The following FAXDC2 variants were observed in gnomAD, a reference collection of about 807,000 sequenced individuals.
FAXDC2 encodes the protein fatty acid hydroxylase domain-containing protein 2.
FAXDC2 carries 41 observed loss-of-function variants against 40.9 expected under a neutral mutation model. That is an observed-to-expected ratio of 1.00 (90% CI 0.78 to 1.30). FAXDC2 has a LOEUF of 1.30. Ranked by LOEUF, FAXDC2 falls within the 50% of genes most tolerant of loss-of-function variation. The pLI is 0.00. For synonymous variants in FAXDC2, 157 were observed against 149.3 expected, an observed-to-expected ratio of 1.05 and a Z score of -0.38; for missense variants, 390 against 408.8, an observed-to-expected ratio of 0.95 and a Z score of 0.40.
chr5:154,832,116 G>T (rs1415210637), intron 4 of FAXDC2, among the ~76,000 whole-genome samples: 2 of 151,872 alleles, frequency 1.3e-5, no homozygotes, highest in African/African-American at 4.8e-5. Flanking sequence ...ATAAACAGTG[G>T]TTATTTCTTG....
intron 1 of FAXDC2, among the ~76,000 whole-genome samples, chr5:154,841,075 T>G (rs1760466212): frequency 6.6e-6 from 1 of 152,138 alleles, no homozygotes; most frequent in African/African-American, 2.4e-5. Flanking sequence ...AGGGAGACAC[T>G]GTCTGACTTG....
intron 5 of FAXDC2, among the ~76,000 whole-genome samples, chr5:154,825,053 CTTG>C (rs1288133411): frequency 2.1e-5 from 2 of 95,528 alleles, no homozygotes; most frequent in Non-Finnish European, 3.8e-5. Flanking sequence ...GAGACCCAAT[CTTG>C]TTAAAAAAAA....
intron 2 of FAXDC2, 146 bp from the exon 3 acceptor site, chr5:154,835,080 A>G: frequency 1.6e-6 from 1 of 620,284 alleles, no homozygotes; most frequent in Non-Finnish European, 2.9e-6. Flanking sequence ...GGCCTTTTCC[A>G]GCTTCTGTGG....
intron 6 of FAXDC2, 104 bp from the exon 7 acceptor site, chr5:154,822,681 G>A: frequency 2.4e-6 from 2 of 834,772 alleles, no homozygotes; most frequent in Non-Finnish European, 4.0e-6. Flanking sequence ...CATCCATGGA[G>A]CAAAGTTAAC....
rs775685589 is a variant in FAXDC2, at chr5:154,823,452, G to A, written c.507C>T (p.His169=). The A allele has an allele frequency of 5.0e-6, 8 of 1,614,214 alleles. No individual in the cohort carries two copies. The highest frequency in any genetic ancestry group is 4.5e-5 in the East Asian group (2 of 44,892). ...AGATGGCCAGCTCCAGGAGGAACCA[G>A]TGGAAGGTGGGTAGCTCACGGCGGC... is the stretch of plus-strand genomic sequence containing the variant. The part of the protein sequence containing the change: ...DPCRRELPTF[H]WFLLELAIFT... Residue 169 remains histidine, a synonymous_variant, in exon 6 of 9, where the codon CAC becomes CAT. Transcript: ENST00000326080.
In FAXDC2 at chr5:154,842,512, G is replaced by GTTT. The variant is rs772426610; in HGVS notation, c.1-4337_1-4335dup. On this transcript the variant is annotated intron_variant, in intron 1 of 8. Coordinates refer to ENST00000326080, the MANE Select transcript of FAXDC2 (RefSeq NM_032385.5). The stretch of plus-strand genomic sequence containing the variant: ...AGCCACTGCGCTCAGCCCTTTGTGT[G>GTTT]TTTTTTTTTTTTTTTTTTTTTTTTT... Among the ~76,000 whole-genome samples, 328 of 51,624 alleles carry GTTT rather than the reference G, an allele frequency of 6.4e-3. 72 individuals are homozygous for GTTT. The highest frequency in any genetic ancestry group is 0.043 in the Middle Eastern group (2 of 46). The allele number at this position is 51,624 out of a possible 152,430, so 33.9% of individuals were successfully genotyped here. A position where few individuals can be genotyped will look rare whatever the true frequency, so the allele number is the denominator to read the frequency against.
chr5:154,839,480 C>T (rs1046547875), intron 1 of FAXDC2, among the ~76,000 whole-genome samples: 8 of 149,400 alleles, frequency 5.4e-5, no homozygotes, highest in African/African-American at 2.0e-4. Context: ...CCTGTCTCTA[C>T]AAAAAATAAA....
At chr5:154,848,000 T>A (rs754898324) in intron 1 of FAXDC2, among the ~76,000 whole-genome samples, 2 of 151,878 alleles carry the variant, frequency 1.3e-5, no homozygotes, top group Non-Finnish European at 2.9e-5. Flanking sequence ...CCACCACGCC[T>A]GGCTAATTTT....
In FAXDC2 at chr5:154,823,527, G is replaced by T. The variant is rs200490101; in HGVS notation, c.432C>A (p.Phe144Leu). The change falls in exon 6 of 9, where the codon TTC becomes TTA. Residue 144 changes from phenylalanine to leucine, a missense_variant. Transcript: ENST00000326080. The stretch of plus-strand genomic sequence containing the variant: ...AGGGATAGAGGAAGACCACCATGGG[G>T]AAAGATATCATGCACTGGTTGAAAA... ...TVLFNQCMIS[F>L]PMVVFLYPFL... The T allele has an allele frequency of 6.2e-7, 1 of 1,614,258 alleles. No homozygotes were observed. Among genetic ancestry groups the T allele is most frequent in the Non-Finnish European group, 8.5e-7 (1 of 1,180,030 alleles).
At chr5:154,830,740 TGA>T in intron 5 of FAXDC2, 59 bp downstream of exon 5, 3 of 1,603,168 alleles carry the variant, frequency 1.9e-6, no homozygotes, top group South Asian at 1.1e-5. Context: ...GTGAGAATTC[TGA>T]GAGTGTGGCT....
At chr5:154,823,916 C>T (rs1387611312) in intron 5 of FAXDC2, 2 of 324,066 alleles carry the variant, frequency 6.2e-6, no homozygotes, top group African/African-American at 2.1e-5. Context: ...TTACAGGTAA[C>T]TTGGGTAGCC....
chr5:154,825,058 TAAA>T (rs70981952), intron 5 of FAXDC2, among the ~76,000 whole-genome samples: 1 of 90,156 alleles, frequency 1.1e-5, no homozygotes, highest in Non-Finnish European at 2.1e-5. Context: ...CCAATCTTGT[TAAA>T]AAAAAAAAAA....
chr5:154,835,679 C>G (rs1035905412), intron 2 of FAXDC2, among the ~76,000 whole-genome samples: 18 of 151,886 alleles, frequency 1.2e-4, no homozygotes, highest in Admixed American at 1.2e-3. Flanking sequence ...CTCCCGGGTT[C>G]ATGCCATTCT....
intron 1 of FAXDC2, among the ~76,000 whole-genome samples, chr5:154,846,648 G>C (rs1293015323): frequency 6.6e-6 from 1 of 151,822 alleles, no homozygotes; most frequent in Non-Finnish European, 1.5e-5. Flanking sequence ...GCCTCCCAAA[G>C]TGTTAGGATT....
At chr5:154,839,907 C>T (rs1200526396) in intron 1 of FAXDC2, among the ~76,000 whole-genome samples, 1 of 152,192 alleles carries the variant, frequency 6.6e-6, no homozygotes, top group Non-Finnish European at 1.5e-5. Flanking sequence ...AAGGCAGGCA[C>T]ACCAGTCCAG....
At chr5:154,850,174 C>T (rs1760695096) in intron 1 of FAXDC2, among the ~76,000 whole-genome samples, 1 of 152,224 alleles carries the variant, frequency 6.6e-6, no homozygotes, top group South Asian at 2.1e-4. Context: ...CAAACAATTA[C>T]TTGTCCATTA....
chr5:154,838,667 T>C (rs529646809), intron 1 of FAXDC2: 57 of 170,932 alleles, frequency 3.3e-4, no homozygotes, highest in Non-Finnish European at 5.9e-4. Context: ...GGCACAATCT[T>C]GGCTCACTGC....
At chr5:154,827,439 GTGTGTGTGTGTGTGTGTGTGTA>G (rs1760068610) in intron 5 of FAXDC2, among the ~76,000 whole-genome samples, 1 of 151,428 alleles carries the variant, frequency 6.6e-6, no homozygotes, top group South Asian at 2.1e-4. Flanking sequence ...GTGTGTGTGT[GTGTGTGTGTGTGTGTGTGTGTA>G]TGTCTGTTTT....
At chr5:154,842,346 C>T (rs371381405) in intron 1 of FAXDC2, among the ~76,000 whole-genome samples, 1 of 151,252 alleles carries the variant, frequency 6.6e-6, no homozygotes, top group South Asian at 2.1e-4. Context: ...TACAGGCATG[C>T]ACCACCATGC....
Sources: allele counts gnomAD v4.1 joint callset (sites outside exome capture counted in the v4.1 genomes callset), GRCh38; gene constraint gnomAD v4.1.1; transcripts MANE v1.5; gene names NCBI Gene and HGNC (gene_info 2026-07-23, HGNC 2026-07-21).